TLCD3B: variants seen among roughly 807,000 people sequenced by gnomAD.
TLCD3B encodes the protein ceramide synthase.
TLCD3B carries 9 observed loss-of-function variants against 23.0 expected under a neutral mutation model. That is an observed-to-expected ratio of 0.39 (90% CI 0.24 to 0.68). The LOEUF (loss-of-function observed/expected upper bound fraction) is 0.68, where lower values mean the gene tolerates loss of function less well. TLCD3B is among the 30% of genes least tolerant of loss of function. TLCD3B has a pLI of 0.44. For missense variants in TLCD3B, 307 were observed against 371.8 expected (o/e 0.83, Z 1.43); for synonymous variants, 161 against 161.0 (o/e 1.00, Z 0.00).
At chr16:30,026,184 G>A (rs893247855) in intron 3 of TLCD3B, among the ~76,000 whole-genome samples, 3 of 151,342 alleles carry the variant, frequency 2.0e-5, no homozygotes, top group Non-Finnish European at 3.0e-5. Flanking sequence ...TCAGTGAGCC[G>A]AGATCACACC....
Position 30,029,430 on chromosome 16 carries a change from A to G in TLCD3B, c.209+2T>C. The G allele has an allele frequency of 6.2e-7, 1 of 1,613,542 alleles. No homozygotes were observed. The highest frequency in any genetic ancestry group is 1.1e-5 in the South Asian group (1 of 91,066). On this transcript the variant is annotated splice_donor_variant, in intron 2 of 4. Transcript: ENST00000380495. LOFTEE classifies it high-confidence loss of function. This position sits in a 1 kb window ranked among gnomAD's most constrained non-coding sequence, Gnocchi z 4.6. The stretch of plus-strand genomic sequence containing the variant: ...GGCAGGGGGGTGTCTCGCAGCACTT[A>G]CTGGTCATCAATGATGTGCTTGCAG...
At chr16:30,044,010 C>CT (rs34857578) in intron 2 of TLCD3B, among the ~76,000 whole-genome samples, 64,567 of 138,918 alleles carry the variant, frequency 0.46, 14,947 homozygotes, top group African/African-American at 0.51. Context: ...TAACCATGTC[C>CT]TTTTTTTTTT....
At chr16:30,027,121 C>T (rs976650493) in intron 2 of TLCD3B, 7 of 551,856 alleles carry the variant, frequency 1.3e-5, no homozygotes, top group Non-Finnish European at 2.1e-5. Flanking sequence ...CCAGAAGATG[C>T]CCACAGACCA....
intron 1 of TLCD3B, among the ~76,000 whole-genome samples, chr16:30,050,556 CA>C (rs572188851): frequency 1.7e-4 from 26 of 152,118 alleles, no homozygotes; most frequent in African/African-American, 5.8e-4. Flanking sequence ...AAAACAAAAA[CA>C]AAAACAAAAA....
At position 30,024,987 on chromosome 16, in the gene TLCD3B, G is replaced by A. The variant is rs1206910587; in HGVS notation, c.*196C>T. 1.5e-5 allele frequency: 8 copies of A among 518,402 alleles called. No individual in the cohort carries two copies. The highest frequency in any genetic ancestry group is 6.5e-5 in the East Asian group (2 of 30,562). The allele number at this position is 518,402 out of a possible 1,614,324, so 32.1% of individuals were successfully genotyped here. ...CAGCGCAAGGGTGTGCAGGAAGGGG[G>A]CAGAGTAGGGGGAAGAGGTCCCCTC... On this transcript the variant is annotated 3_prime_UTR_variant, in exon 5 of 5. Coordinates refer to ENST00000380495, the MANE Select transcript of TLCD3B (RefSeq NM_031478.6).
At chr16:30,051,521 CAAAA>C (rs199594296) in intron 1 of TLCD3B, among the ~76,000 whole-genome samples, 5 of 62,852 alleles carry the variant, frequency 8.0e-5, no homozygotes, top group Non-Finnish European at 1.9e-4. Flanking sequence ...AACTCCGTTT[CAAAA>C]AAAAAAAAAA....
At chr16:30,048,265 A>T (rs1474760899) in intron 1 of TLCD3B, among the ~76,000 whole-genome samples, 1 of 151,678 alleles carries the variant, frequency 6.6e-6, no homozygotes, top group Non-Finnish European at 1.5e-5. Flanking sequence ...ATTAGAAAAC[A>T]TGCATGTCTA....
chr16:30,050,638 T>C (rs908905242), intron 1 of TLCD3B, among the ~76,000 whole-genome samples: 1 of 152,222 alleles, frequency 6.6e-6, no homozygotes, highest in Non-Finnish European at 1.5e-5. Flanking sequence ...GCTAGACTTC[T>C]GTTTTCTGGG....
At position 30,025,612 on chromosome 16, in the gene TLCD3B, A is replaced by G. The variant is rs1363010118; in HGVS notation, c.540+114T>C. On this transcript the variant is annotated intron_variant, in intron 4 of 4. Coordinates refer to ENST00000380495, the MANE Select transcript of TLCD3B (RefSeq NM_031478.6). This position sits in a 1 kb window ranked among gnomAD's most constrained non-coding sequence, Gnocchi z 4.1. Reference sequence around the variant, plus strand: ...CACAAGCACCAGGTGCTCAAAATGCACGGGGTGAGGGGGGGATGACGAAGG... The same window carrying G: ...CACAAGCACCAGGTGCTCAAAATGCGCGGGGTGAGGGGGGGATGACGAAGG... The G allele has an allele frequency of 2.0e-6, 3 of 1,465,264 alleles. No homozygotes were observed. In the African/African-American group the frequency reaches 4.2e-5, roughly 20 times the overall value. 90.8% of individuals were successfully genotyped at this position (1,465,264 alleles called of 1,614,324 possible). A position where few individuals can be genotyped will look rare whatever the true frequency, so the allele number is the denominator to read the frequency against.
chr16:30,025,715 T>G lies in TLCD3B; in HGVS notation c.540+11A>C. On this transcript the variant is annotated intron_variant, in intron 4 of 4. Transcript: ENST00000380495. This position sits in a 1 kb window ranked among gnomAD's most constrained non-coding sequence, Gnocchi z 4.1. ...CCCATTGGGCTCCTGCACCCTCCCA[T>G]GCTCACTCACCTGGATGAGGATCTT... 1 of 1,613,794 alleles carries G rather than the reference T, an allele frequency of 6.2e-7. No homozygotes were observed. Among genetic ancestry groups the G allele is most frequent in the South Asian group, 1.1e-5 (1 of 91,074 alleles).
chr16:30,043,288 C>G (rs149443097), intron 2 of TLCD3B, among the ~76,000 whole-genome samples: 1 of 152,064 alleles, frequency 6.6e-6, no homozygotes, highest in African/African-American at 2.4e-5. Flanking sequence ...TACACTGGTA[C>G]GATTAGCTCA....
intron 2 of TLCD3B, among the ~76,000 whole-genome samples, chr16:30,045,629 G>A (rs2071659750): frequency 7.0e-6 from 1 of 143,094 alleles, no homozygotes; most frequent in South Asian, 2.2e-4. Context: ...GTGTGTATTT[G>A]TGTGTGGTAT....
chr16:30,050,273 T>G (rs986507793), intron 1 of TLCD3B, among the ~76,000 whole-genome samples: 11 of 152,166 alleles, frequency 7.2e-5, no homozygotes, highest in African/African-American at 2.4e-4. Flanking sequence ...GCACAGTGGT[T>G]CACGCTTGTA....
chr16:30,026,060 C>T (rs879749877), intron 3 of TLCD3B, among the ~76,000 whole-genome samples: 18 of 152,066 alleles, frequency 1.2e-4, no homozygotes, highest in Admixed American at 8.5e-4. Context: ...GGTGAAACCC[C>T]GTCTGTACTA....
chr16:30,025,918 G>T lies in TLCD3B; in HGVS notation c.445-97C>A. On this transcript the variant is annotated intron_variant, in intron 3 of 4. Coordinates refer to ENST00000380495, the MANE Select transcript of TLCD3B (RefSeq NM_031478.6). This position sits in a 1 kb window ranked among gnomAD's most constrained non-coding sequence, Gnocchi z 4.1. ...TTTCCCCTCTGTCACTTTGGGAGAT[G>T]CTTGACTCTGAACATCAGAACACCT... is the stretch of plus-strand genomic sequence containing the variant. The T allele has an allele frequency of 1.1e-6, 1 of 929,576 alleles. No homozygotes were observed. The highest frequency in any genetic ancestry group is 1.7e-6 in the Non-Finnish European group (1 of 590,072). The allele number at this position is 929,576 out of a possible 1,614,324, so 57.6% of individuals were successfully genotyped here. A position where few individuals can be genotyped will look rare whatever the true frequency, so the allele number is the denominator to read the frequency against.
chr16:30,036,299 G>A (rs942589876), intron 3 of TLCD3B: 3 of 1,288,942 alleles, frequency 2.3e-6, no homozygotes, highest in Admixed American at 4.6e-5. Flanking sequence ...AAGCCAAAGC[G>A]ATTGTTGTTC....
At chr16:30,027,532 A>G in intron 2 of TLCD3B, 2 of 453,872 alleles carry the variant, frequency 4.4e-6, no homozygotes, top group South Asian at 3.1e-5. Context: ...GGCAAGTGAG[A>G]GGTCTTGTCA....
At chr16:30,036,432 GCAGGCA>G (rs2071475243) in intron 3 of TLCD3B, 1 of 1,255,998 alleles carries the variant, frequency 8.0e-7, no homozygotes, top group African/African-American at 1.6e-5. Flanking sequence ...GAGGTGTGGA[GCAGGCA>G]CAGGCAGGAT....
At position 30,044,049 on chromosome 16, in the gene TLCD3B, T is replaced by C. The variant is rs112943438; in HGVS notation, c.-229+2274A>G. Among the ~76,000 whole-genome samples, 449 of 150,196 alleles carry C rather than the reference T, an allele frequency of 3.0e-3. 1 individual carries two copies. The highest frequency in any genetic ancestry group is 0.011 in the African/African-American group (439 of 40,706). ...TTTAACTCTGTCTCCCAAGCTAAAG[T>C]GCAGTGGTGCGATCTCAGCTCACTG... On this transcript the variant is annotated intron_variant, in intron 2 of 6. Coordinates refer to the TLCD3B transcript ENST00000561666.
Sources: gnomAD v4.1 joint callset for allele counts (sites outside exome capture counted in the v4.1 genomes callset) on GRCh38, gnomAD v4.1.1 for gene constraint, Gnocchi (gnomAD v3.1) non-coding constraint, MANE v1.5 for transcripts, NCBI Gene and HGNC (gene_info 2026-07-23, HGNC 2026-07-21) for gene names.